The following EPB41L2 variants were observed in gnomAD, a reference collection of about 807,000 sequenced individuals.
The protein encoded by EPB41L2 is band 4.1-like protein 2.
A neutral mutation model predicts 113.0 loss-of-function variants in EPB41L2; 43 were observed. That is an observed-to-expected ratio of 0.38 (90% CI 0.30 to 0.49). The LOEUF (loss-of-function observed/expected upper bound fraction) is 0.49. Ranked by LOEUF, EPB41L2 falls within the 20% of genes least tolerant of loss-of-function variation. The probability of loss-of-function intolerance (pLI) is 0.95; values close to 1 mark genes in which losing one functional copy is unlikely to be tolerated. For synonymous variants in EPB41L2, 442 were observed against 436.7 expected (o/e 1.01, Z -0.15); for missense variants, 1,147 against 1,223.4 (o/e 0.94, Z 0.93).
At position 130,957,982 on chromosome 6, in the gene EPB41L2, A is replaced by G. The variant is rs371105939; in HGVS notation, c.-14-1483T>C. Among the ~76,000 whole-genome samples, 6 of 152,388 alleles carry G rather than the reference A, an allele frequency of 3.9e-5. No individual in the cohort carries two copies. The South Asian group carries it at 8.3e-4, about 21-fold the overall frequency. On this transcript the variant is annotated intron_variant, in intron 1 of 19. Transcript: ENST00000337057. ...AAATTTTCTCAATAAAAATAACTTA[A>G]AAATGTTTTTCACATCTAATATGCA...
At chr6:130,925,191 T>TTTTC (rs1804265169) in intron 4 of EPB41L2, among the ~76,000 whole-genome samples, 1 of 64,744 alleles carries the variant, frequency 1.5e-5, no homozygotes, top group Non-Finnish European at 2.4e-5. Context: ...ATTTCTTTTC[T>TTTTC]TTTTTTTTTT....
intron 1 of EPB41L2, among the ~76,000 whole-genome samples, chr6:131,050,746 T>C (rs1457573575): frequency 6.6e-6 from 1 of 152,214 alleles, no homozygotes; most frequent in Non-Finnish European, 1.5e-5. Context: ...CCCCAAATCA[T>C]ATTCAAACAA....
chr6:130,931,210 T>C (rs1032631212), intron 3 of EPB41L2, among the ~76,000 whole-genome samples: 1 of 152,124 alleles, frequency 6.6e-6, no homozygotes, highest in Non-Finnish European at 1.5e-5. Flanking sequence ...AATGAATCCC[T>C]AGCAAAATTA....
chr6:130,843,958 G>A (rs1015423234), intron 19 of EPB41L2, among the ~76,000 whole-genome samples: 5 of 152,262 alleles, frequency 3.3e-5, no homozygotes, highest in South Asian at 2.1e-4. Flanking sequence ...GATCTTGCCC[G>A]AAAAGCACAA....
At chr6:130,852,408 C>T (rs914233488) in intron 19 of EPB41L2, among the ~76,000 whole-genome samples, 5 of 152,174 alleles carry the variant, frequency 3.3e-5, no homozygotes, top group Non-Finnish European at 5.9e-5. Flanking sequence ...GACAGTTGGT[C>T]TCTCCGGCAG....
intron 1 of EPB41L2, among the ~76,000 whole-genome samples, chr6:130,962,441 T>C (rs1773821428): frequency 6.6e-6 from 1 of 152,198 alleles, no homozygotes; most frequent in Non-Finnish European, 1.5e-5. Context: ...GAAAATACCA[T>C]ACTTCATATT....
intron 19 of EPB41L2, among the ~76,000 whole-genome samples, chr6:130,842,887 A>G (rs1368654264): frequency 2.6e-5 from 4 of 152,172 alleles, no homozygotes; most frequent in Admixed American, 6.5e-5. Flanking sequence ...TTTTCTGGTA[A>G]TGAATATTAT....
At position 131,032,989 on chromosome 6, in the gene EPB41L2, C is replaced by T. The variant is rs6929021; in HGVS notation, c.-15+30166G>A. 6.7e-3 allele frequency among the ~76,000 whole-genome samples: 1,019 copies of T among 152,308 alleles called. 18 individuals carry two copies. The highest frequency in any genetic ancestry group is 0.024 in the African/African-American group (984 of 41,574). On this transcript the variant is annotated intron_variant, in intron 1 of 19. Coordinates refer to ENST00000337057, the MANE Select transcript of EPB41L2 (RefSeq NM_001431.4). ...CACCCGGATTCAAGCAATTCTCCTGCCTCAGCCTCCCGAGTAGCTGGGATT... is the reference window on the plus strand; with the variant it reads ...CACCCGGATTCAAGCAATTCTCCTGTCTCAGCCTCCCGAGTAGCTGGGATT...
At chr6:130,863,564 T>C (rs1199085234) in intron 18 of EPB41L2, 74 bp downstream of exon 18, 6 of 1,050,118 alleles carry the variant, frequency 5.7e-6, no homozygotes, top group East Asian at 2.4e-5. Context: ...TACACAGGTA[T>C]GCGACATGAT....
chr6:131,033,459 G>A (rs770064272), intron 1 of EPB41L2, among the ~76,000 whole-genome samples: 11 of 152,178 alleles, frequency 7.2e-5, no homozygotes, highest in Non-Finnish European at 1.5e-4. Flanking sequence ...CAAAAGAAGT[G>A]AAAGCAGGGA....
intron 7 of EPB41L2, among the ~76,000 whole-genome samples, chr6:130,900,432 C>T (rs190814152): frequency 7.9e-5 from 12 of 152,194 alleles, no homozygotes; most frequent in Admixed American, 3.9e-4. Flanking sequence ...GTTCTAGAAG[C>T]GTAATATGGT....
At chr6:130,842,795 C>A (rs546985472) in intron 19 of EPB41L2, among the ~76,000 whole-genome samples, 2 of 152,278 alleles carry the variant, frequency 1.3e-5, no homozygotes, top group African/African-American at 4.8e-5. Flanking sequence ...AAAACTTCAA[C>A]ATTTACTGAG....
chr6:130,957,152 G>A (rs77706147), intron 1 of EPB41L2, among the ~76,000 whole-genome samples: 3,417 of 152,050 alleles, frequency 0.022, 129 homozygotes, highest in African/African-American at 0.078. Flanking sequence ...TCAAAACTCC[G>A]AACCTCCATC....
intron 4 of EPB41L2, among the ~76,000 whole-genome samples, chr6:130,920,095 C>G (rs1300248200): frequency 1.3e-5 from 2 of 152,142 alleles, no homozygotes; most frequent in Non-Finnish European, 2.9e-5. Context: ...TCACTCTCCT[C>G]TTTCTTCAAA....
intron 1 of EPB41L2, among the ~76,000 whole-genome samples, chr6:130,997,767 G>A (rs1355214406): frequency 1.3e-5 from 2 of 152,152 alleles, no homozygotes; most frequent in Non-Finnish European, 2.9e-5. Flanking sequence ...GGAAAAGGCA[G>A]TGAAAATTAA....
intron 1 of EPB41L2, among the ~76,000 whole-genome samples, chr6:131,027,318 C>A (rs1791102832): frequency 6.6e-6 from 1 of 152,158 alleles, no homozygotes; most frequent in Non-Finnish European, 1.5e-5. Flanking sequence ...GTCATAACAG[C>A]AAGCCTTACA....
In EPB41L2 at chr6:130,961,406, T is replaced by C. The variant is rs543730862; in HGVS notation, c.-14-4907A>G. 6.6e-5 allele frequency among the ~76,000 whole-genome samples: 10 copies of C among 152,338 alleles called. No individual in the cohort carries two copies. The South Asian group carries it at 2.1e-3, about 32-fold the overall frequency. ...ACCATCATCAATAGAGGATCAGTAC[T>C]GGTTAGGTAAGGAGCTGTGTTACAT... On this transcript the variant is annotated intron_variant, in intron 1 of 19. Coordinates refer to ENST00000337057, the MANE Select transcript of EPB41L2 (RefSeq NM_001431.4).
rs1051354584 is a variant in EPB41L2 at position 130,927,258 on chromosome 6, A to G, written c.706-549T>C. On this transcript the variant is annotated intron_variant, in intron 3 of 19. Coordinates refer to ENST00000337057, the MANE Select transcript of EPB41L2 (RefSeq NM_001431.4). ...GATATGGTGTTCGCTCCTTGGGATA[A>G]ATTCTAAAAATACAAGATAATGGAA... 2.0e-4 allele frequency among the ~76,000 whole-genome samples: 30 copies of G among 152,160 alleles called. 1 individual carries two copies. Among genetic ancestry groups the G allele is most frequent in the Admixed American group, 2.6e-4 (4 of 15,270 alleles).
At chr6:130,910,621 C>A (rs1751964655) in intron 4 of EPB41L2, among the ~76,000 whole-genome samples, 1 of 152,146 alleles carries the variant, frequency 6.6e-6, no homozygotes, top group African/African-American at 2.4e-5. Context: ...TTTTTGCAAT[C>A]TATCCATCTG....
Sources: gnomAD v4.1 joint callset for allele counts (sites outside exome capture counted in the v4.1 genomes callset) on GRCh38, gnomAD v4.1.1 for gene constraint, MANE v1.5 for transcripts, NCBI Gene and HGNC (gene_info 2026-07-23, HGNC 2026-07-21) for gene names.